Variants in AGPAT4 observed in about 807,000 individuals in gnomAD.
AGPAT4 encodes the protein 1-acyl-sn-glycerol-3-phosphate acyltransferase delta.
Under a neutral mutation model 48.0 loss-of-function variants are expected in AGPAT4, and 15 were observed. The observed-to-expected ratio is 0.31, with a 90% CI of 0.21 to 0.48. AGPAT4 has a LOEUF of 0.48. AGPAT4 is among the 20% of genes least tolerant of loss of function. The pLI, the probability that AGPAT4 is intolerant of heterozygous loss-of-function variation, is 0.99. For synonymous variants in AGPAT4, 178 were observed against 198.7 expected (o/e 0.90, Z 0.88); for missense variants, 314 against 482.5 (o/e 0.65, Z 3.27).
In AGPAT4 at chr6:161,212,090, CAA is replaced by C. The variant is rs1167539459; in HGVS notation, c.178+19944_178+19945del. On this transcript the variant is annotated intron_variant, in intron 2 of 8. Transcript: ENST00000320285. This position sits in a 1 kb window ranked among gnomAD's most constrained non-coding sequence, Gnocchi z 6.1. Reference sequence around the variant, plus strand: ...CATATGGGCCCCTGTGTCAAATTAACAAAGTTTTCTTGAAGCATTAACTGACT... The same window carrying C: ...CATATGGGCCCCTGTGTCAAATTAACAGTTTTCTTGAAGCATTAACTGACT... Among the ~76,000 whole-genome samples, 6 of 152,124 alleles carry C rather than the reference CAA, an allele frequency of 3.9e-5. No homozygotes were observed. Among genetic ancestry groups the C allele is most frequent in the African/African-American group, 1.4e-4 (6 of 41,424 alleles).
chr6:161,250,832 T>C (rs1782786245), intron 1 of AGPAT4, among the ~76,000 whole-genome samples: 1 of 152,228 alleles, frequency 6.6e-6, no homozygotes, highest in African/African-American at 2.4e-5. Context: ...TAAATCTTTA[T>C]ACAGTCTTAC....
rs1004733955 is a variant in AGPAT4 at position 161,197,288 on chromosome 6, G to T, written c.179-30871C>A. Among the ~76,000 whole-genome samples, 3 of 152,118 alleles carry T rather than the reference G, an allele frequency of 2.0e-5. No homozygotes were observed. Among genetic ancestry groups the T allele is most frequent in the Admixed American group, 2.0e-4 (3 of 15,288 alleles). On this transcript the variant is annotated intron_variant, in intron 2 of 8. Coordinates refer to ENST00000320285, the MANE Select transcript of AGPAT4 (RefSeq NM_020133.3). This position sits in a 1 kb window ranked among gnomAD's most constrained non-coding sequence, Gnocchi z 5.7. ...GTAAGCCCTGACCTTGCACTGCTAG[G>T]GACATTAAAGAACTAGCGTTCCATA...
rs76339322 is a variant in AGPAT4, at chr6:161,261,791, C to T, written c.-90+12147G>A. On this transcript the variant is annotated intron_variant, in intron 1 of 8. Transcript: ENST00000320285. This position sits in a 1 kb window ranked among gnomAD's most constrained non-coding sequence, Gnocchi z 5.3. ...TTCTCTTTCTTTATGAGTGGACCTTCGGCTTCTGACTGCATTTTCCTAGCA... is the reference window on the plus strand; with the variant it reads ...TTCTCTTTCTTTATGAGTGGACCTTTGGCTTCTGACTGCATTTTCCTAGCA... 5.5e-3 allele frequency among the ~76,000 whole-genome samples: 838 copies of T among 152,288 alleles called. 8 individuals carry two copies. Among genetic ancestry groups the T allele is most frequent in the African/African-American group, 0.02 (815 of 41,556 alleles).
Position 161,221,789 on chromosome 6 carries a change from G to A in AGPAT4, c.178+10247C>T, listed in dbSNP as rs141681609. 5.2e-3 allele frequency among the ~76,000 whole-genome samples: 794 copies of A among 152,218 alleles called. 7 individuals are homozygous for A. The highest frequency in any genetic ancestry group is 0.018 in the African/African-American group (765 of 41,536). ...AGCCAGGTGTTCCTTGGCTTGCAGG[G>A]GATATTGTCCTCGTATCTTCACATC... On this transcript the variant is annotated intron_variant, in intron 2 of 8. Transcript: ENST00000320285. This position sits in a 1 kb window ranked among gnomAD's most constrained non-coding sequence, Gnocchi z 4.5.
rs1201032860 is a variant in AGPAT4, at chr6:161,138,987, A to T, written c.1042+435T>A. Reference sequence around the variant, plus strand: ...TCTCCACTCAGTGTCATCCACCTGCAGCAAAGGAGAAGCCACAGGCGCCCC... The same window carrying T: ...TCTCCACTCAGTGTCATCCACCTGCTGCAAAGGAGAAGCCACAGGCGCCCC... On this transcript the variant is annotated intron_variant, in intron 8 of 8. Coordinates refer to ENST00000320285, the MANE Select transcript of AGPAT4 (RefSeq NM_020133.3). The surrounding 1 kb of genome is among the most constrained non-coding windows in gnomAD (Gnocchi z 4.8). Among the ~76,000 whole-genome samples, 2 of 152,210 alleles carry T rather than the reference A, an allele frequency of 1.3e-5. No individual in the cohort carries two copies. Among genetic ancestry groups the T allele is most frequent in the African/African-American group, 4.8e-5 (2 of 41,456 alleles).
chr6:161,190,651 A>T (rs544941050), intron 2 of AGPAT4, among the ~76,000 whole-genome samples: 1 of 152,080 alleles, frequency 6.6e-6, no homozygotes, highest in Non-Finnish European at 1.5e-5. Context: ...AAAGATTCTC[A>T]TTCCACCTTA....
At position 161,272,169 on chromosome 6, in the gene AGPAT4, A is replaced by G. The variant is rs1437865791; in HGVS notation, c.-90+1769T>C. 6.6e-6 allele frequency among the ~76,000 whole-genome samples: 1 copy of G among 152,322 alleles called. No individual in the cohort carries two copies. The highest frequency in any genetic ancestry group is 2.4e-5 in the African/African-American group (1 of 41,572). The stretch of plus-strand genomic sequence containing the variant: ...GACCTCTGGATTTATAGCAGATTTG[A>G]TAAGACATAGATGATAGCATATTTA... On this transcript the variant is annotated intron_variant, in intron 1 of 8. Transcript: ENST00000320285. The surrounding 1 kb of genome is among the most constrained non-coding windows in gnomAD (Gnocchi z 4.2).
rs1044849158 is a variant in AGPAT4 at position 161,198,803 on chromosome 6, T to C, written c.179-32386A>G. The stretch of plus-strand genomic sequence containing the variant: ...GTGAATGTTAACAGGGAAACTGACC[T>C]GGAACGTATATGTTGTTTCGAGTAA... On this transcript the variant is annotated intron_variant, in intron 2 of 8. Transcript: ENST00000320285. This position sits in a 1 kb window ranked among gnomAD's most constrained non-coding sequence, Gnocchi z 4.3. Among the ~76,000 whole-genome samples the C allele has an allele frequency of 6.6e-6, 1 of 152,198 alleles. No individual in the cohort carries two copies.
rs182993983 is a variant in AGPAT4, at chr6:161,252,349, A to G, written c.-89-20047T>C. On this transcript the variant is annotated intron_variant, in intron 1 of 8. Coordinates refer to ENST00000320285, the MANE Select transcript of AGPAT4 (RefSeq NM_020133.3). ...CAAACTTTGGGGAATTCCTTCATAAACTAGATGAATTCTGTGTGTCTTGAA... is the reference window on the plus strand; with the variant it reads ...CAAACTTTGGGGAATTCCTTCATAAGCTAGATGAATTCTGTGTGTCTTGAA... Among the ~76,000 whole-genome samples, 442 of 152,262 alleles carry G rather than the reference A, an allele frequency of 2.9e-3. 2 individuals carry two copies. Among genetic ancestry groups the G allele is most frequent in the African/African-American group, 0.01 (419 of 41,560 alleles).
At position 161,249,929 on chromosome 6, in the gene AGPAT4, G is replaced by A. The variant is rs1782761440; in HGVS notation, c.-89-17627C>T. 6.6e-6 allele frequency among the ~76,000 whole-genome samples: 1 copy of A among 152,166 alleles called. No individual in the cohort carries two copies. The highest frequency in any genetic ancestry group is 2.4e-5 in the African/African-American group (1 of 41,436). On this transcript the variant is annotated intron_variant, in intron 1 of 8. Coordinates refer to ENST00000320285, the MANE Select transcript of AGPAT4 (RefSeq NM_020133.3). The surrounding 1 kb of genome is among the most constrained non-coding windows in gnomAD (Gnocchi z 6.2). ...TATTGCAGCTATTCACAATAGCAAA[G>A]ACATGAAATCAACCTCAATGCCCAT...
intron 3 of AGPAT4, chr6:161,160,447 A>G (rs1481633522): frequency 2.6e-5 from 4 of 156,406 alleles, no homozygotes; most frequent in Non-Finnish European, 5.7e-5. Flanking sequence ...GCAAACATTA[A>G]ATGAAAGCAC....
rs772761481 is a variant in AGPAT4, at chr6:161,245,031, T to G, written c.-89-12729A>C. 6.6e-6 allele frequency among the ~76,000 whole-genome samples: 1 copy of G among 152,266 alleles called. No individual in the cohort carries two copies. Among genetic ancestry groups the G allele is most frequent in the Non-Finnish European group, 1.5e-5 (1 of 68,052 alleles). ...AAATGCTAACTTAATTTCGCACACATGCCTACTAGCAAGCCGTGCACCAAC... is the reference window on the plus strand; with the variant it reads ...AAATGCTAACTTAATTTCGCACACAGGCCTACTAGCAAGCCGTGCACCAAC... On this transcript the variant is annotated intron_variant, in intron 1 of 8. Transcript: ENST00000320285. The surrounding 1 kb of genome is among the most constrained non-coding windows in gnomAD (Gnocchi z 5.2).
chr6:161,189,857 CTG>C lies in AGPAT4; in HGVS notation c.179-23442_179-23441del, dbSNP rs1156314786. On this transcript the variant is annotated intron_variant, in intron 2 of 8. Coordinates refer to ENST00000320285, the MANE Select transcript of AGPAT4 (RefSeq NM_020133.3). The surrounding 1 kb of genome is among the most constrained non-coding windows in gnomAD (Gnocchi z 5.3). The stretch of plus-strand genomic sequence containing the variant: ...GTTTTGTGCAGGCCCAGGCTCTGTT[CTG>C]TCTTATCAGTTCTGAAATGCTCCGT... Among the ~76,000 whole-genome samples the C allele has an allele frequency of 1.6e-4, 25 of 152,322 alleles. No homozygotes were observed. The highest frequency in any genetic ancestry group is 6.8e-3 in the Middle Eastern group (2 of 294).
chr6:161,245,304 G>T lies in AGPAT4; in HGVS notation c.-89-13002C>A, dbSNP rs962030894. Among the ~76,000 whole-genome samples, 2 of 152,224 alleles carry T rather than the reference G, an allele frequency of 1.3e-5. No individual in the cohort carries two copies. Among genetic ancestry groups the T allele is most frequent in the Admixed American group, 6.5e-5 (1 of 15,288 alleles). ...TGACATACACGCCGGCCCCACAGGGGTGATGGGAGACTTCAGGAGGTGATG... is the reference window on the plus strand; with the variant it reads ...TGACATACACGCCGGCCCCACAGGGTTGATGGGAGACTTCAGGAGGTGATG... On this transcript the variant is annotated intron_variant, in intron 1 of 8. Coordinates refer to ENST00000320285, the MANE Select transcript of AGPAT4 (RefSeq NM_020133.3). The surrounding 1 kb of genome is among the most constrained non-coding windows in gnomAD (Gnocchi z 5.2).
In AGPAT4 at chr6:161,255,045, T is replaced by A. The variant is rs1226950102; in HGVS notation, c.-90+18893A>T. ...GCCAGATACGGTTACACAGCCCTTC[T>A]GAAGCAAAGATACACTAAGTCTAGA... On this transcript the variant is annotated intron_variant, in intron 1 of 8. Coordinates refer to ENST00000320285, the MANE Select transcript of AGPAT4 (RefSeq NM_020133.3). This position sits in a 1 kb window ranked among gnomAD's most constrained non-coding sequence, Gnocchi z 4.7. 6.6e-6 allele frequency among the ~76,000 whole-genome samples: 1 copy of A among 152,196 alleles called. No individual in the cohort carries two copies. Among genetic ancestry groups the A allele is most frequent in the African/African-American group, 2.4e-5 (1 of 41,438 alleles).
rs1781814704 is a variant in AGPAT4 at position 161,220,789 on chromosome 6, T to C, written c.178+11247A>G. The stretch of plus-strand genomic sequence containing the variant: ...CGGACAGCGTAGATATATTTTATTT[T>C]ATTTTTATTTTTGAGACAGAGTCTC... On this transcript the variant is annotated intron_variant, in intron 2 of 8. Coordinates refer to ENST00000320285, the MANE Select transcript of AGPAT4 (RefSeq NM_020133.3). The surrounding 1 kb of genome is among the most constrained non-coding windows in gnomAD (Gnocchi z 6.0). Among the ~76,000 whole-genome samples the C allele has an allele frequency of 6.6e-6, 1 of 152,128 alleles. No homozygotes were observed. Among genetic ancestry groups the C allele is most frequent in the Non-Finnish European group, 1.5e-5 (1 of 68,028 alleles).
chr6:161,134,539 C>T lies in AGPAT4; in HGVS notation c.*2001G>A, dbSNP rs1233341574. 4 of 152,130 alleles carry T rather than the reference C, an allele frequency of 2.6e-5. No homozygotes were observed. Among genetic ancestry groups the T allele is most frequent in the Non-Finnish European group, 4.4e-5 (3 of 68,032 alleles). The allele number at this position is 152,130 out of a possible 1,614,324, so 9.4% of individuals were successfully genotyped here. ...AGTGTGCTCTTTTACCCTTGACACA[C>T]CCCAAGAGGTAGATATCGTCACCCC... is the stretch of plus-strand genomic sequence containing the variant. On this transcript the variant is annotated 3_prime_UTR_variant, in exon 9 of 9. Coordinates refer to ENST00000320285, the MANE Select transcript of AGPAT4 (RefSeq NM_020133.3).
In AGPAT4 at chr6:161,134,533, G is replaced by A. The variant is rs755269762; in HGVS notation, c.*2007C>T. 2 of 152,032 alleles carry A rather than the reference G, an allele frequency of 1.3e-5. No homozygotes were observed. Among genetic ancestry groups the A allele is most frequent in the African/African-American group, 4.8e-5 (2 of 41,378 alleles). 9.4% of individuals were successfully genotyped at this position (152,032 alleles called of 1,614,324 possible). A position where few individuals can be genotyped will look rare whatever the true frequency, so the allele number is the denominator to read the frequency against. On this transcript the variant is annotated 3_prime_UTR_variant, in exon 9 of 9. Coordinates refer to ENST00000320285, the MANE Select transcript of AGPAT4 (RefSeq NM_020133.3). ...TCTTAAAGTGTGCTCTTTTACCCTT[G>A]ACACACCCCAAGAGGTAGATATCGT...
At position 161,234,327 on chromosome 6, in the gene AGPAT4, A is replaced by G. The variant is rs932705336; in HGVS notation, c.-89-2025T>C. Among the ~76,000 whole-genome samples, 4 of 152,180 alleles carry G rather than the reference A, an allele frequency of 2.6e-5. No homozygotes were observed. In the South Asian group the frequency reaches 6.2e-4, roughly 24 times the overall value. On this transcript the variant is annotated intron_variant, in intron 1 of 8. Transcript: ENST00000320285. The surrounding 1 kb of genome is among the most constrained non-coding windows in gnomAD (Gnocchi z 4.4). ...GAAGCTTTCGGCCTGATTTCTCTGA[A>G]ATCATCTTAGCTCCACTGAGACATC...
Sources: gnomAD v4.1 joint callset for allele counts (sites outside exome capture counted in the v4.1 genomes callset) on GRCh38, gnomAD v4.1.1 for gene constraint, Gnocchi (gnomAD v3.1) non-coding constraint, MANE v1.5 for transcripts, NCBI Gene and HGNC (gene_info 2026-07-23, HGNC 2026-07-21) for gene names.